The following RRAS2 variants were observed in gnomAD, a reference collection of about 807,000 sequenced individuals.
The protein encoded by RRAS2 is ras-related protein R-Ras2.
A neutral mutation model predicts 27.6 loss-of-function variants in RRAS2; 7 were observed. The ratio of observed to expected loss-of-function variants is 0.25; its 90% CI spans 0.14 to 0.48. The LOEUF (loss-of-function observed/expected upper bound fraction) is 0.48. RRAS2 is among the 20% of genes least tolerant of loss of function. The pLI is 0.99. For synonymous variants in RRAS2, 86 were observed against 90.9 expected, an observed-to-expected ratio of 0.95 and a Z score of 0.31; for missense variants, 178 against 256.2, an observed-to-expected ratio of 0.69 and a Z score of 2.08.
upstream of RRAS2, among the ~76,000 whole-genome samples, chr11:14,363,799 GGT>G (rs1849219736): frequency 7.2e-6 from 1 of 139,726 alleles, no homozygotes; most frequent in Non-Finnish European, 1.6e-5. Context: ...GGCCAGGCAT[GGT>G]GGCTCATGCC....
chr11:14,319,348 T>TTC (rs1286935224), intron 1 of RRAS2, among the ~76,000 whole-genome samples: 15 of 131,372 alleles, frequency 1.1e-4, no homozygotes, highest in Non-Finnish European at 2.0e-4. Context: ...CCTCTGTCTT[T>TTC]TTTTTTTTTT....
chr11:14,358,895 A>G lies in RRAS2; in HGVS notation c.-25T>C. On this transcript the variant is annotated 5_prime_UTR_variant, in exon 1 of 6. Coordinates refer to ENST00000256196, the MANE Select transcript of RRAS2 (RefSeq NM_012250.6). The surrounding 1 kb of genome is among the most constrained non-coding windows in gnomAD (Gnocchi z 5.1). Reference sequence around the variant, plus strand: ...TGGGGACGCTACAGAGCCCAGCCTGACTGCGCCGAGCCGCCGCTGCCGCCC... The same window carrying G: ...TGGGGACGCTACAGAGCCCAGCCTGGCTGCGCCGAGCCGCCGCTGCCGCCC... 1 of 1,366,862 alleles carries G rather than the reference A, an allele frequency of 7.3e-7. No homozygotes were observed. Among genetic ancestry groups the G allele is most frequent in the Non-Finnish European group, 9.5e-7 (1 of 1,047,576 alleles). 84.7% of individuals were successfully genotyped at this position (1,366,862 alleles called of 1,614,324 possible). A position where few individuals can be genotyped will look rare whatever the true frequency, so the allele number is the denominator to read the frequency against.
intron 1 of RRAS2, among the ~76,000 whole-genome samples, chr11:14,309,281 T>C (rs974854899): frequency 6.6e-6 from 1 of 152,202 alleles, no homozygotes; most frequent in African/African-American, 2.4e-5. Flanking sequence ...CCACAGCACA[T>C]GTTCTATTAC....
upstream of RRAS2, chr11:14,359,221 TGAGGGGGCGGG>T: frequency 2.2e-5 from 3 of 138,560 alleles, no homozygotes; most frequent in Non-Finnish European, 3.7e-5. Flanking sequence ...TGCATATGCA[TGAGGGGGCGGG>T]GAGGGGCGGG....
At chr11:14,338,560 A>G (rs925233790) in intron 1 of RRAS2, among the ~76,000 whole-genome samples, 1 of 152,222 alleles carries the variant, frequency 6.6e-6, no homozygotes. Context: ...AGCAAAACTG[A>G]GGTCAAGTTT....
intron 1 of RRAS2, among the ~76,000 whole-genome samples, chr11:14,298,203 C>A (rs1251350491): frequency 6.6e-6 from 1 of 152,162 alleles, no homozygotes; most frequent in South Asian, 2.1e-4. Context: ...TCCCCATATG[C>A]CATGCTTTTA....
At chr11:14,317,649 A>C (rs77327200) in intron 1 of RRAS2, among the ~76,000 whole-genome samples, 189 of 152,378 alleles carry the variant, frequency 1.2e-3, no homozygotes, top group Non-Finnish European at 2.0e-3. Flanking sequence ...TTTGGGAAAC[A>C]AAATTCAAAG....
chr11:14,337,242 A>C (rs1591481399), intron 1 of RRAS2: 1 of 152,220 alleles, frequency 6.6e-6, no homozygotes, highest in Non-Finnish European at 1.5e-5. Flanking sequence ...ACACCATCTC[A>C]CCCAGGACAA....
intron 1 of RRAS2, among the ~76,000 whole-genome samples, chr11:14,347,011 T>A (rs1848847859): frequency 6.6e-6 from 1 of 152,018 alleles, no homozygotes; most frequent in Non-Finnish European, 1.5e-5. Flanking sequence ...ATAAAAAAGT[T>A]AGACGGGCAT....
chr11:14,328,987 G>GTATA (rs782416411), intron 1 of RRAS2, among the ~76,000 whole-genome samples: 1 of 53,846 alleles, frequency 1.9e-5, no homozygotes, highest in Non-Finnish European at 4.8e-5. Context: ...TTATATATAT[G>GTATA]TGTGTGTGTG....
At chr11:14,286,636 A>G (rs188182579) in intron 4 of RRAS2, among the ~76,000 whole-genome samples, 3 of 152,368 alleles carry the variant, frequency 2.0e-5, no homozygotes, top group Admixed American at 6.5e-5. Context: ...GCCTCAATAC[A>G]GTATCATTAG....
At chr11:14,298,286 T>C (rs1847611038) in intron 1 of RRAS2, among the ~76,000 whole-genome samples, 1 of 152,220 alleles carries the variant, frequency 6.6e-6, no homozygotes, top group African/African-American at 2.4e-5. Context: ...CCCTACTGAT[T>C]TGGCCTAAAA....
intron 1 of RRAS2, among the ~76,000 whole-genome samples, chr11:14,354,137 C>A (rs4757250): frequency 0.31 from 46,693 of 151,932 alleles, 8,050 homozygotes; most frequent in South Asian, 0.43. Context: ...CTCTTCTCGG[C>A]TCTCTGCCCC....
chr11:14,279,503 G>T (rs1271358892), intron 5 of RRAS2, 79 bp from the exon 6 acceptor site: 2 of 1,077,400 alleles, frequency 1.9e-6, no homozygotes, highest in Admixed American at 3.5e-5. Flanking sequence ...TTTTGTACAA[G>T]TTCACTTTTA....
At chr11:14,321,861 G>A (rs1848228991) in intron 1 of RRAS2, among the ~76,000 whole-genome samples, 1 of 152,060 alleles carries the variant, frequency 6.6e-6, no homozygotes. Context: ...TCCAGATCTA[G>A]TTATTAGTGG....
chr11:14,324,706 AAT>A (rs1554950773), intron 1 of RRAS2, among the ~76,000 whole-genome samples: 1 of 152,160 alleles, frequency 6.6e-6, no homozygotes. Flanking sequence ...AGTTGTCTCC[AAT>A]ATATGTGCTG....
chr11:14,332,743 TA>T lies in RRAS2; in HGVS notation c.108+26019del, dbSNP rs1263400979. ...TCCTATATGTGCTTGTAATGATGGT[TA>T]CACAAGGTGTGTAATTTTTCAAAAC... On this transcript the variant is annotated intron_variant, in intron 1 of 5. Coordinates refer to ENST00000256196, the MANE Select transcript of RRAS2 (RefSeq NM_012250.6). Among the ~76,000 whole-genome samples the T allele has an allele frequency of 7.9e-5, 12 of 152,284 alleles. No homozygotes were observed. In the East Asian group the frequency reaches 2.3e-3, roughly 29 times the overall value.
At chr11:14,332,132 C>CTTTTA (rs1554951991) in intron 1 of RRAS2, among the ~76,000 whole-genome samples, 1 of 152,158 alleles carries the variant, frequency 6.6e-6, no homozygotes, top group Non-Finnish European at 1.5e-5. Context: ...CAAAGTTAAA[C>CTTTTA]ATCCACTTAC....
chr11:14,348,653 G>A (rs1207989233), intron 1 of RRAS2, among the ~76,000 whole-genome samples: 1 of 152,106 alleles, frequency 6.6e-6, no homozygotes, highest in Non-Finnish European at 1.5e-5. Context: ...TGCCAGGCTG[G>A]CTCCTGTGTC....
Sources: gnomAD v4.1 joint callset for allele counts (sites outside exome capture counted in the v4.1 genomes callset) on GRCh38, gnomAD v4.1.1 for gene constraint, Gnocchi (gnomAD v3.1) non-coding constraint, MANE v1.5 for transcripts, NCBI Gene and HGNC (gene_info 2026-07-23, HGNC 2026-07-21) for gene names.